The following TSGA13 variants were observed in gnomAD, a reference collection of about 807,000 sequenced individuals.
The protein encoded by TSGA13 is testis-specific gene 13 protein.
Under a neutral mutation model 35.1 loss-of-function variants are expected in TSGA13, and 37 were observed. That is an observed-to-expected ratio of 1.05 (90% confidence interval 0.81 to 1.39). TSGA13 has a LOEUF of 1.39. Ranked by LOEUF, TSGA13 falls within the 40% of genes most tolerant of loss-of-function variation. TSGA13 has a pLI of 0.00. For synonymous variants in TSGA13, 124 were observed against 121.2 expected, an observed-to-expected ratio of 1.02 and a Z score of -0.15; for missense variants, 338 against 328.5, an observed-to-expected ratio of 1.03 and a Z score of -0.22.
chr7:130,685,437 C>CTT, intron 1 of TSGA13, 77 bp from the exon 2 acceptor site: 1 of 1,261,970 alleles, frequency 7.9e-7, no homozygotes, highest in Non-Finnish European at 1.0e-6. Flanking sequence ...GATGCTTGCT[C>CTT]TTAGAAGTTA....
At chr7:130,673,351 G>A (rs1444661759) in intron 5 of TSGA13, among the ~76,000 whole-genome samples, 3 of 152,084 alleles carry the variant, frequency 2.0e-5, no homozygotes, top group Admixed American at 6.6e-5. Flanking sequence ...ATTACTAAAG[G>A]TCATAGAATC....
chr7:130,672,907 G>A (rs1796314704), intron 5 of TSGA13, 31 bp from the exon 6 acceptor site: 2 of 1,598,370 alleles, frequency 1.3e-6, no homozygotes, highest in Admixed American at 1.7e-5. Context: ...AAGAGTGAGG[G>A]AGTAAGCTGA....
intron 3 of TSGA13, among the ~76,000 whole-genome samples, chr7:130,682,755 T>C (rs574664945): frequency 4.7e-4 from 71 of 152,276 alleles, no homozygotes; most frequent in African/African-American, 1.7e-3. Context: ...AGGCCAGAAG[T>C]TGGCAATTCT....
At chr7:130,671,140 C>T (rs993448986) in intron 7 of TSGA13, among the ~76,000 whole-genome samples, 1 of 152,132 alleles carries the variant, frequency 6.6e-6, no homozygotes, top group African/African-American at 2.4e-5. Context: ...ACCTCTAAGA[C>T]ACACAGACTT....
In TSGA13 at chr7:130,679,273, T is replaced by C; in HGVS notation, c.269A>G (p.Tyr90Cys). The change falls in exon 5 of 8, where the codon TAT becomes TGT. Residue 90 changes from tyrosine (Y) to cysteine (C), a missense_variant. Transcript: ENST00000356588. The part of the protein sequence containing the change: ...NTSFMLKVTQ[Y>C]DQDKTLLIMT... The stretch of plus-strand genomic sequence containing the variant: ...AATCAGTAACGTCTTATCCTGGTCA[T>C]ACTGTGTTACTTTTAACATGAAGCT... 6.2e-7 allele frequency: 1 copy of C among 1,614,218 alleles called. No homozygotes were observed. Among genetic ancestry groups the C allele is most frequent in the Non-Finnish European group, 8.5e-7 (1 of 1,180,030 alleles).
chr7:130,683,491 C>T, intron 3 of TSGA13, 103 bp downstream of exon 3: 1 of 1,029,082 alleles, frequency 9.7e-7, no homozygotes, highest in Non-Finnish European at 1.4e-6. Flanking sequence ...ATTTTTACTC[C>T]TTTTTGCTTT....
chr7:130,679,009 A>G (rs1796474217), intron 5 of TSGA13, 146 bp downstream of exon 5: 7 of 673,622 alleles, frequency 1.0e-5, no homozygotes, highest in Non-Finnish European at 1.8e-5. Flanking sequence ...CCTGGGTAAC[A>G]GAGTGAGACC....
At chr7:130,686,096 G>A (rs1554465702) in intron 1 of TSGA13, among the ~76,000 whole-genome samples, 166 bp downstream of exon 1, 2 of 152,186 alleles carry the variant, frequency 1.3e-5, no homozygotes, top group African/African-American at 4.8e-5. Context: ...AAATTCCTAT[G>A]AAGCCCACAG....
At chr7:130,675,772 G>A (rs11979494) in intron 5 of TSGA13, among the ~76,000 whole-genome samples, 13,535 of 152,230 alleles carry the variant, frequency 0.089, 1,088 homozygotes, top group African/African-American at 0.21. Context: ...CAGAGACCTG[G>A]AAACAAGAAT....
At chr7:130,679,425 C>T in intron 4 of TSGA13, 58 bp from the exon 5 acceptor site, 2 of 1,477,326 alleles carry the variant, frequency 1.4e-6, no homozygotes, top group Non-Finnish European at 1.8e-6. Flanking sequence ...AGCAGGTTAA[C>T]AAATCGGTTG....
In TSGA13 at chr7:130,672,872, C is replaced by G. The variant is rs1554463498; in HGVS notation, c.392G>C (p.Ser131Thr). Residue 131 changes from serine (S) to threonine (T), a missense_variant, in exon 6 of 8, where the codon AGT becomes ACT. Physicochemically the swap from Ser to Thr is moderately conservative, Grantham distance 58. Transcript: ENST00000356588. ...SKELLLKVME[S>T]HHQHKPTENL... ...CTCAGTGGGTTTGTGCTGATGATGA[C>G]TTTCCTGTAGGGAAACGAGGGAAGA... 6.2e-7 allele frequency: 1 copy of G among 1,613,146 alleles called. No individual in the cohort carries two copies.
intron 3 of TSGA13, among the ~76,000 whole-genome samples, chr7:130,682,636 G>A (rs972323359): frequency 6.6e-6 from 1 of 152,152 alleles, no homozygotes; most frequent in African/African-American, 2.4e-5. Context: ...GAAAGGGAAC[G>A]TGCACTGAAA....
At chr7:130,678,720 G>A (rs1013446549) in intron 5 of TSGA13, among the ~76,000 whole-genome samples, 2 of 152,018 alleles carry the variant, frequency 1.3e-5, no homozygotes, top group Admixed American at 6.6e-5. Flanking sequence ...CATAGGATCA[G>A]GAATAAGAAG....
chr7:130,685,254 C>T lies in TSGA13; in HGVS notation c.-44G>A. On this transcript the variant is annotated 5_prime_UTR_variant, in exon 2 of 8. Transcript: ENST00000356588. ...GGCCAACCCAAGGCAGGTATTCACC[C>T]AAGGCCAAATTCAGGTCTCTAAATA... 1 of 1,611,212 alleles carries T rather than the reference C, an allele frequency of 6.2e-7. No homozygotes were observed. Among genetic ancestry groups the T allele is most frequent in the Non-Finnish European group, 8.5e-7 (1 of 1,177,496 alleles).
chr7:130,670,423 C>T (rs1224946779), intron 7 of TSGA13, among the ~76,000 whole-genome samples: 1 of 152,066 alleles, frequency 6.6e-6, no homozygotes, highest in Non-Finnish European at 1.5e-5. Context: ...GAGAGAAACC[C>T]AGTAGGAGAA....
Position 130,670,590 on chromosome 7 carries a change from G to A in TSGA13, c.658+1071C>T, listed in dbSNP as rs148289069. Among the ~76,000 whole-genome samples the A allele has an allele frequency of 2.3e-3, 349 of 152,202 alleles. 2 individuals carry two copies. Among genetic ancestry groups the A allele is most frequent in the African/African-American group, 6.9e-3 (287 of 41,520 alleles). ...AAACCTTTATTTAAATAATATTTAA[G>A]GCATTGTGGTATTTTCGATTTCTTG... is the stretch of plus-strand genomic sequence containing the variant. On this transcript the variant is annotated intron_variant, in intron 7 of 7. Coordinates refer to ENST00000356588, the MANE Select transcript of TSGA13 (RefSeq NM_052933.4).
At position 130,679,296 on chromosome 7, in the gene TSGA13, G is replaced by A. The variant is rs1447893308; in HGVS notation, c.246C>T (p.Ser82=). ...KFLAQNRKNT[S]FMLKVTQYDQ... ...CATACTGTGTTACTTTTAACATGAAGCTGGTGTTTTTCCTGTTTTGAGCCA... is the reference window on the plus strand; with the variant it reads ...CATACTGTGTTACTTTTAACATGAAACTGGTGTTTTTCCTGTTTTGAGCCA... The change falls in exon 5 of 8, where the codon AGC becomes AGT. Residue 82 remains serine, a synonymous_variant. Transcript: ENST00000356588. 3 of 1,614,076 alleles carry A rather than the reference G, an allele frequency of 1.9e-6. No individual in the cohort carries two copies. Among genetic ancestry groups the A allele is most frequent in the Non-Finnish European group, 2.5e-6 (3 of 1,180,042 alleles).
At chr7:130,670,676 A>G (rs1326554281) in intron 7 of TSGA13, among the ~76,000 whole-genome samples, 1 of 152,066 alleles carries the variant, frequency 6.6e-6, no homozygotes, top group African/African-American at 2.4e-5. Context: ...CTGGAGTGCA[A>G]TGGCATAATC....
intron 3 of TSGA13, among the ~76,000 whole-genome samples, chr7:130,682,785 G>A (rs934548180): frequency 6.6e-6 from 1 of 152,204 alleles, no homozygotes; most frequent in Admixed American, 6.5e-5. Context: ...GAGAAGGAGC[G>A]GGAAGAAGCA....
Sources: gnomAD v4.1 joint callset for allele counts (sites outside exome capture counted in the v4.1 genomes callset) on GRCh38, gnomAD v4.1.1 for gene constraint, MANE v1.5 for transcripts, NCBI Gene and HGNC (gene_info 2026-07-23, HGNC 2026-07-21) for gene names.